The following FBXL7 variants were observed in gnomAD, a reference collection of about 807,000 sequenced individuals.
FBXL7 encodes F-box and leucine rich repeat protein 7.
A neutral mutation model predicts 38.3 loss-of-function variants in FBXL7; 12 were observed. That is an observed-to-expected ratio of 0.31 (90% CI 0.20 to 0.51). FBXL7 has a LOEUF of 0.51. Ranked by LOEUF, FBXL7 falls within the 20% of genes least tolerant of loss-of-function variation. The pLI, the probability that FBXL7 is intolerant of heterozygous loss-of-function variation, is 0.98. For synonymous variants in FBXL7, 297 were observed against 300.9 expected (o/e 0.99, Z 0.13); for missense variants, 567 against 676.4 (o/e 0.84, Z 1.79).
intron 2 of FBXL7, among the ~76,000 whole-genome samples, chr5:15,701,692 TA>T (rs1200679285): frequency 1.3e-5 from 2 of 151,960 alleles, no homozygotes; most frequent in Non-Finnish European, 2.9e-5. Flanking sequence ...ATTCATGCAA[TA>T]AAAAAATGCA....
At chr5:15,702,053 C>A (rs986892409) in intron 2 of FBXL7, among the ~76,000 whole-genome samples, 5 of 152,096 alleles carry the variant, frequency 3.3e-5, no homozygotes, top group Admixed American at 1.3e-4. Context: ...GACTGGCCAA[C>A]ATGGTGAAAC....
chr5:15,762,819 G>A (rs544748993), intron 2 of FBXL7, among the ~76,000 whole-genome samples: 5 of 152,188 alleles, frequency 3.3e-5, no homozygotes, highest in South Asian at 4.2e-4. Flanking sequence ...AATGCATTAC[G>A]TAGTGTCTTC....
At chr5:15,616,608 A>G (rs1223905008) in intron 2 of FBXL7, among the ~76,000 whole-genome samples, 1 of 152,220 alleles carries the variant, frequency 6.6e-6, no homozygotes, top group Non-Finnish European at 1.5e-5. Context: ...GATTGGTCGC[A>G]GTGATTTTCT....
intron 1 of FBXL7, among the ~76,000 whole-genome samples, chr5:15,528,431 T>A (rs1205104815): frequency 6.6e-6 from 1 of 152,196 alleles, no homozygotes; most frequent in African/African-American, 2.4e-5. Flanking sequence ...TACTGGAGAC[T>A]GGGTAACTTA....
At chr5:15,758,312 A>T (rs979027816) in intron 2 of FBXL7, among the ~76,000 whole-genome samples, 22 of 146,212 alleles carry the variant, frequency 1.5e-4, no homozygotes, top group Non-Finnish European at 2.9e-4. Context: ...AAACAAGGGC[A>T]TTTTTTTTTT....
At chr5:15,675,689 C>T (rs890305807) in intron 2 of FBXL7, among the ~76,000 whole-genome samples, 1 of 152,158 alleles carries the variant, frequency 6.6e-6, no homozygotes, top group African/African-American at 2.4e-5. Flanking sequence ...TTATAAAATT[C>T]CCCTTCTCTA....
intron 2 of FBXL7, among the ~76,000 whole-genome samples, chr5:15,922,160 A>G (rs1174758904): frequency 1.3e-5 from 2 of 150,992 alleles, no homozygotes; most frequent in Non-Finnish European, 2.9e-5. Flanking sequence ...TACATATATC[A>G]TATATGTTAT....
chr5:15,906,394 T>A (rs1579591554), intron 2 of FBXL7, among the ~76,000 whole-genome samples: 1 of 150,962 alleles, frequency 6.6e-6, no homozygotes, highest in African/African-American at 2.4e-5. Context: ...TTATGATAGG[T>A]CCCCATTCTA....
At chr5:15,699,458 A>C in intron 2 of FBXL7, among the ~76,000 whole-genome samples, 1 of 151,282 alleles carries the variant, frequency 6.6e-6, no homozygotes, top group African/African-American at 2.4e-5. Context: ...TGTGTGCTCC[A>C]CTCCTCTTTC....
intron 2 of FBXL7, among the ~76,000 whole-genome samples, chr5:15,716,491 T>C (rs763117313): frequency 2.0e-5 from 3 of 152,202 alleles, no homozygotes; most frequent in Non-Finnish European, 4.4e-5. Context: ...TTGGTCCTCC[T>C]GGCCTATTAA....
intron 2 of FBXL7, among the ~76,000 whole-genome samples, chr5:15,825,740 G>T (rs1004491414): frequency 6.6e-6 from 1 of 152,154 alleles, no homozygotes; most frequent in Non-Finnish European, 1.5e-5. Context: ...TTCTCATATG[G>T]TTTTTCTAAA....
intron 1 of FBXL7, among the ~76,000 whole-genome samples, chr5:15,552,521 T>C (rs1580366359): frequency 6.6e-6 from 1 of 152,190 alleles, no homozygotes; most frequent in African/African-American, 2.4e-5. Context: ...ATCCTGGCCA[T>C]TTCAGAGACA....
intron 2 of FBXL7, among the ~76,000 whole-genome samples, chr5:15,763,953 A>G (rs1736519696): frequency 6.6e-6 from 1 of 152,196 alleles, no homozygotes. Context: ...CCAGGGGAGC[A>G]GATGGCATAA....
intron 2 of FBXL7, among the ~76,000 whole-genome samples, chr5:15,711,709 C>A (rs1323314698): frequency 6.6e-6 from 1 of 152,004 alleles, no homozygotes; most frequent in South Asian, 2.1e-4. Context: ...TCCTGAATAC[C>A]GTAAACCCTA....
chr5:15,859,702 A>T (rs370163315), intron 2 of FBXL7, among the ~76,000 whole-genome samples: 2 of 152,106 alleles, frequency 1.3e-5, no homozygotes, highest in African/African-American at 4.8e-5. Context: ...CCATTATTCA[A>T]TTACCTCCCA....
intron 2 of FBXL7, among the ~76,000 whole-genome samples, chr5:15,696,122 G>A (rs553636960): frequency 2.6e-5 from 4 of 152,056 alleles, no homozygotes; most frequent in African/African-American, 9.7e-5. Flanking sequence ...ACATCTGGCC[G>A]AAAGCTCTTC....
intron 2 of FBXL7, among the ~76,000 whole-genome samples, chr5:15,845,059 G>A (rs1738855911): frequency 6.6e-6 from 1 of 152,192 alleles, no homozygotes. Flanking sequence ...TTCCAGACAT[G>A]AAGCCATCCT....
At chr5:15,528,690 T>C (rs1737324077) in intron 1 of FBXL7, among the ~76,000 whole-genome samples, 1 of 152,176 alleles carries the variant, frequency 6.6e-6, no homozygotes. Context: ...CATCACACGG[T>C]AATTATGAGA....
intron 2 of FBXL7, among the ~76,000 whole-genome samples, chr5:15,845,040 G>C (rs1160525002): frequency 2.0e-5 from 3 of 152,170 alleles, no homozygotes; most frequent in Admixed American, 1.3e-4. Flanking sequence ...TCGGCCTTCT[G>C]TGCTGTGCTT....
Sources: allele counts gnomAD v4.1 joint callset (sites outside exome capture counted in the v4.1 genomes callset), GRCh38; gene constraint gnomAD v4.1.1; transcripts MANE v1.5; gene names NCBI Gene and HGNC (gene_info 2026-07-23, HGNC 2026-07-21).